The following ARMC2 variants were observed in gnomAD, a reference collection of about 807,000 sequenced individuals.
ARMC2 encodes armadillo repeat-containing protein 2.
ARMC2 carries 67 observed loss-of-function variants against 90.3 expected under a neutral mutation model. The ratio of observed to expected loss-of-function variants is 0.74; its 90% confidence interval spans 0.61 to 0.91. The LOEUF (loss-of-function observed/expected upper bound fraction) is 0.91, where lower values mean the gene tolerates loss of function less well. ARMC2 is among the 40% of genes least tolerant of loss of function. ARMC2 has a pLI of 0.00. For synonymous variants in ARMC2, 393 were observed against 393.0 expected (o/e 1.00, Z 0.00); for missense variants, 920 against 1,030.9 (o/e 0.89, Z 1.47).
At chr6:109,018,511 G>A in the ARMC2 span, among the ~76,000 whole-genome samples, 1 of 152,178 alleles carries the variant, frequency 6.6e-6, no homozygotes, top group Non-Finnish European at 1.5e-5. Flanking sequence ...AGAGGCTCAG[G>A]CACATTTGCT....
intron 4 of ARMC2, among the ~76,000 whole-genome samples, chr6:108,875,840 C>T (rs184162779): frequency 2.6e-4 from 39 of 152,158 alleles, no homozygotes; most frequent in African/African-American, 8.2e-4. Flanking sequence ...TTATGGGACA[C>T]GGAAGTACTT....
the ARMC2 span, among the ~76,000 whole-genome samples, chr6:109,035,375 A>G: frequency 6.6e-6 from 1 of 152,114 alleles, no homozygotes. Flanking sequence ...TGTACACTAC[A>G]CCTCTGTGGT....
At chr6:108,875,532 T>G (rs1776848889) in intron 4 of ARMC2, among the ~76,000 whole-genome samples, 1 of 152,126 alleles carries the variant, frequency 6.6e-6, no homozygotes, top group Admixed American at 6.5e-5. Flanking sequence ...CCTCACTCCA[T>G]AAAGGGTTTG....
At chr6:108,868,582 A>G (rs1181998276) in intron 3 of ARMC2, among the ~76,000 whole-genome samples, 1 of 152,212 alleles carries the variant, frequency 6.6e-6, no homozygotes, top group African/African-American at 2.4e-5. Flanking sequence ...TTACTCAAGT[A>G]TGGTAATAGC....
chr6:108,991,575 C>T, the ARMC2 span, among the ~76,000 whole-genome samples: 1 of 152,166 alleles, frequency 6.6e-6, no homozygotes, highest in Non-Finnish European at 1.5e-5. Context: ...ACACATCTAT[C>T]ACCCATTCCT....
the ARMC2 span, among the ~76,000 whole-genome samples, chr6:109,051,531 A>G: frequency 6.6e-6 from 1 of 152,198 alleles, no homozygotes; most frequent in Non-Finnish European, 1.5e-5. Flanking sequence ...TTAGAGGTCA[A>G]AGATGGGGTT....
chr6:108,928,345 C>T, intron 11 of ARMC2, 112 bp downstream of exon 11: 1 of 1,147,538 alleles, frequency 8.7e-7, no homozygotes, highest in Non-Finnish European at 1.2e-6. Flanking sequence ...CTTCTTTTTA[C>T]TTCGCCTACC....
chr6:108,965,875 C>A (rs536742967), intron 17 of ARMC2, among the ~76,000 whole-genome samples: 3 of 150,732 alleles, frequency 2.0e-5, no homozygotes, highest in Admixed American at 6.6e-5. Context: ...CTGGTGTCAA[C>A]CTCCTGGGCT....
Position 108,881,240 on chromosome 6 carries a change from TTC to T in ARMC2, c.671+4892_671+4893del, listed in dbSNP as rs377741350. 5.2e-3 allele frequency among the ~76,000 whole-genome samples: 782 copies of T among 149,320 alleles called. 5 individuals are homozygous for T. The highest frequency in any genetic ancestry group is 0.025 in the Middle Eastern group (7 of 280). On this transcript the variant is annotated intron_variant, in intron 5 of 17. Transcript: ENST00000392644. ...CTTTTCTTTCTTTCTGTCTTTCTCT[TTC>T]TTTTTCTTTTCTTTCTTCTTTCTTT...
intron 11 of ARMC2, among the ~76,000 whole-genome samples, chr6:108,935,998 TA>T: frequency 6.6e-6 from 1 of 152,316 alleles, no homozygotes; most frequent in Middle Eastern, 3.4e-3. Context: ...TTTAACATAT[TA>T]ATGATGTTTT....
intron 5 of ARMC2, among the ~76,000 whole-genome samples, chr6:108,885,379 T>C (rs1480707092): frequency 1.3e-5 from 2 of 152,140 alleles, no homozygotes; most frequent in Admixed American, 6.5e-5. Context: ...TATAGCTGTT[T>C]AAGTAGAATG....
In ARMC2 at chr6:108,964,097, G is replaced by A. The variant is rs530608330; in HGVS notation, c.2153-83G>A. 1,027 of 1,492,890 alleles carry A rather than the reference G, an allele frequency of 6.9e-4. 1 individual carries two copies. The highest frequency in any genetic ancestry group is 8.9e-4 in the Non-Finnish European group (979 of 1,103,482). The allele number at this position is 1,492,890 out of a possible 1,614,324, so 92.5% of individuals were successfully genotyped here. ...GTTCTGGGTTTGCAAGCCACTCCCC[G>A]TTTCCCCATACCATCTGTAAAACAA... On this transcript the variant is annotated intron_variant, in intron 15 of 17. Transcript: ENST00000392644.
intron 8 of ARMC2, chr6:108,907,821 C>G: frequency 6.2e-7 from 1 of 1,611,120 alleles, no homozygotes; most frequent in Non-Finnish European, 8.5e-7. Flanking sequence ...GGCAGCTCCC[C>G]CAGTTTGACC....
At chr6:109,009,114 T>C in the ARMC2 span, 46 of 731,150 alleles carry the variant, frequency 6.3e-5, no homozygotes, top group African/African-American at 8.3e-4. Flanking sequence ...CTTAGCATTT[T>C]CTGCCCAGGG....
At chr6:108,932,794 C>T (rs935914135) in intron 11 of ARMC2, among the ~76,000 whole-genome samples, 5 of 152,134 alleles carry the variant, frequency 3.3e-5, no homozygotes, top group Admixed American at 6.5e-5. Context: ...TCCCAAAGTG[C>T]TGGGATTACA....
chr6:109,047,959 G>C, the ARMC2 span, among the ~76,000 whole-genome samples: 20 of 147,014 alleles, frequency 1.4e-4, 1 homozygote, highest in East Asian at 3.9e-3. Context: ...AAACACTGCG[G>C]AAGGCCACAG....
chr6:108,997,899 GCT>G, the ARMC2 span, among the ~76,000 whole-genome samples: 1 of 152,092 alleles, frequency 6.6e-6, no homozygotes, highest in African/African-American at 2.4e-5. Context: ...AACTGAACTT[GCT>G]CTGTTTCAAA....
chr6:109,005,848 G>A, the ARMC2 span, among the ~76,000 whole-genome samples: 1 of 152,164 alleles, frequency 6.6e-6, no homozygotes, highest in Non-Finnish European at 1.5e-5. Context: ...ACAAACGTGA[G>A]TCTTTTGTTA....
chr6:109,000,700 A>G, the ARMC2 span: 4 of 1,487,960 alleles, frequency 2.7e-6, no homozygotes, highest in African/African-American at 2.9e-5. Flanking sequence ...TATTCTAATT[A>G]TAAATATTAA....
Sources: allele counts gnomAD v4.1 joint callset (sites outside exome capture counted in the v4.1 genomes callset), GRCh38; gene constraint gnomAD v4.1.1; transcripts MANE v1.5; gene names NCBI Gene and HGNC (gene_info 2026-07-23, HGNC 2026-07-21).